EXT1: variants seen among roughly 807,000 people sequenced by gnomAD.
EXT1 encodes the protein exostosin glycosyltransferase 1.
Under a neutral mutation model 82.5 loss-of-function variants are expected in EXT1, and 20 were observed. That is an observed-to-expected ratio of 0.24 (90% CI 0.17 to 0.35). The LOEUF is 0.35. Among genes scored for constraint, EXT1 ranks in the 10% least tolerant of loss-of-function variants. EXT1 has a pLI of 1.00. For synonymous variants in EXT1, 348 were observed against 350.8 expected (o/e 0.99, Z 0.09); for missense variants, 757 against 936.5 (o/e 0.81, Z 2.50).
rs548064098 is a variant in EXT1 at position 118,045,488 on chromosome 8, T to C, written c.962+64597A>G. On this transcript the variant is annotated intron_variant, in intron 1 of 10. Transcript: ENST00000378204. ...AGGTCCCTCATCCCCAAATGTGCAA[T>C]CTGGGGCATGTGCGTATTAACAACA... Among the ~76,000 whole-genome samples, 33 of 152,240 alleles carry C rather than the reference T, an allele frequency of 2.2e-4. No homozygotes were observed. The South Asian group carries it at 6.6e-3, about 31-fold the overall frequency.
intron 1 of EXT1, among the ~76,000 whole-genome samples, chr8:117,863,837 G>A (rs1812728052): frequency 6.6e-6 from 1 of 152,186 alleles, no homozygotes; most frequent in Admixed American, 6.5e-5. Context: ...AAGCCCCGCA[G>A]AGCCCAGAGG....
intron 1 of EXT1, among the ~76,000 whole-genome samples, chr8:118,055,512 C>G (rs1032573208): frequency 1.3e-5 from 2 of 152,158 alleles, no homozygotes; most frequent in Non-Finnish European, 2.9e-5. Flanking sequence ...CCAGATCATA[C>G]AGCTGTATTA....
intron 10 of EXT1, 97 bp downstream of exon 10, chr8:117,804,625 G>C: frequency 7.5e-7 from 1 of 1,339,540 alleles, no homozygotes; most frequent in African/African-American, 1.4e-5. Flanking sequence ...CTCATTATAT[G>C]CTCCTGGGTG....
intron 1 of EXT1, among the ~76,000 whole-genome samples, chr8:117,929,470 C>T (rs865957420): frequency 2.0e-5 from 3 of 152,306 alleles, no homozygotes; most frequent in Admixed American, 6.5e-5. Context: ...GCCATGCTCA[C>T]AGACTAGCCA....
At chr8:117,940,473 T>C (rs552524269) in intron 1 of EXT1, among the ~76,000 whole-genome samples, 3 of 152,208 alleles carry the variant, frequency 2.0e-5, no homozygotes, top group African/African-American at 7.2e-5. Context: ...CAAGGAAGGA[T>C]GTTACAGCTC....
intron 8 of EXT1, among the ~76,000 whole-genome samples, chr8:117,808,337 C>T (rs867591843): frequency 1.3e-5 from 2 of 152,214 alleles, no homozygotes; most frequent in African/African-American, 4.8e-5. Flanking sequence ...TCCATCCTCA[C>T]AATACCCCTG....
intron 1 of EXT1, among the ~76,000 whole-genome samples, chr8:117,942,678 T>G (rs1814308918): frequency 6.6e-6 from 1 of 152,062 alleles, no homozygotes; most frequent in African/African-American, 2.4e-5. Context: ...GCCATTGCAC[T>G]CCAGTCTGAG....
intron 1 of EXT1, among the ~76,000 whole-genome samples, chr8:118,019,093 G>GAA (rs66876388): frequency 0.04 from 5,902 of 146,402 alleles, 388 homozygotes; most frequent in African/African-American, 0.14. Flanking sequence ...AGGAAAAAAA[G>GAA]AAAAAAAAAA....
chr8:117,855,505 G>A (rs1812526315), intron 1 of EXT1, among the ~76,000 whole-genome samples: 1 of 152,108 alleles, frequency 6.6e-6, no homozygotes, highest in East Asian at 1.9e-4. Flanking sequence ...TGGTGAACTT[G>A]AAAAATGTGT....
chr8:117,918,974 A>T (rs1813805249), intron 1 of EXT1, among the ~76,000 whole-genome samples: 1 of 151,566 alleles, frequency 6.6e-6, no homozygotes, highest in African/African-American at 2.4e-5. Flanking sequence ...CAAAAAAAAA[A>T]TCTACTGTTA....
At chr8:117,859,151 G>A (rs1036293267) in intron 1 of EXT1, among the ~76,000 whole-genome samples, 4 of 152,020 alleles carry the variant, frequency 2.6e-5, no homozygotes, top group African/African-American at 9.7e-5. Context: ...ATATGTACTG[G>A]AAAACCAGAA....
chr8:117,903,215 A>G (rs1482097014), intron 1 of EXT1, among the ~76,000 whole-genome samples: 2 of 152,212 alleles, frequency 1.3e-5, no homozygotes, highest in Admixed American at 1.3e-4. Context: ...TTGAAGGTTC[A>G]AACTAAGAAG....
Position 118,059,684 on chromosome 8 carries a change from G to A in EXT1, c.962+50401C>T, listed in dbSNP as rs73327814. ...TGCCCAACCCTACGCAAGAACTTCT[G>A]GTGAAACTTTCTCTAATCCTCTCAC... On this transcript the variant is annotated intron_variant, in intron 1 of 10. Coordinates refer to ENST00000378204, the MANE Select transcript of EXT1 (RefSeq NM_000127.3). 5.1e-3 allele frequency among the ~76,000 whole-genome samples: 774 copies of A among 152,272 alleles called. 5 individuals carry two copies. The highest frequency in any genetic ancestry group is 0.018 in the African/African-American group (742 of 41,548).
intron 1 of EXT1, among the ~76,000 whole-genome samples, chr8:117,927,148 A>G (rs910306172): frequency 6.6e-6 from 1 of 152,230 alleles, no homozygotes; most frequent in African/African-American, 2.4e-5. Context: ...CAAGTCTGTC[A>G]ATTCCACTCA....
intron 1 of EXT1, among the ~76,000 whole-genome samples, chr8:118,047,648 G>A (rs1392122960): frequency 6.6e-6 from 1 of 152,114 alleles, no homozygotes; most frequent in East Asian, 1.9e-4. Flanking sequence ...AGGCCTTCAG[G>A]ATAGAGAAAA....
At chr8:118,040,780 A>G (rs1365307714) in intron 1 of EXT1, among the ~76,000 whole-genome samples, 2 of 152,212 alleles carry the variant, frequency 1.3e-5, no homozygotes, top group Admixed American at 6.5e-5. Flanking sequence ...GTCTTAGAAA[A>G]TGTTTGCGAA....
chr8:117,930,990 T>C (rs904679760), intron 1 of EXT1, among the ~76,000 whole-genome samples: 1 of 152,238 alleles, frequency 6.6e-6, no homozygotes, highest in Non-Finnish European at 1.5e-5. Flanking sequence ...ACAGATGCCA[T>C]GGCAATGCCA....
chr8:118,049,312 TACC>T (rs1816680439), intron 1 of EXT1, among the ~76,000 whole-genome samples: 1 of 152,264 alleles, frequency 6.6e-6, no homozygotes, highest in Admixed American at 6.5e-5. Context: ...TTAGCTGTGC[TACC>T]ACATATATTA....
intron 7 of EXT1, among the ~76,000 whole-genome samples, chr8:117,817,356 T>G (rs571625344): frequency 6.6e-6 from 1 of 152,286 alleles, no homozygotes; most frequent in African/African-American, 2.4e-5. Flanking sequence ...CCTAATAAAC[T>G]GATTTTGTCA....
Sources: gnomAD v4.1 joint callset for allele counts (sites outside exome capture counted in the v4.1 genomes callset) on GRCh38, gnomAD v4.1.1 for gene constraint, MANE v1.5 for transcripts, NCBI Gene and HGNC (gene_info 2026-07-23, HGNC 2026-07-21) for gene names.